The following VPS13A variants were observed in gnomAD, a reference collection of about 807,000 sequenced individuals.
VPS13A encodes intermembrane lipid transfer protein VPS13A.
In VPS13A, 264 loss-of-function variants were observed where a neutral mutation model predicts 390.9. The ratio of observed to expected loss-of-function variants is 0.68; its 90% CI spans 0.61 to 0.75. VPS13A has a LOEUF of 0.75. Among genes scored for constraint, VPS13A ranks in the 30% least tolerant of loss-of-function variants. VPS13A has a pLI of 0.00. For missense variants in VPS13A, 3,409 were observed against 3,733.9 expected (o/e 0.91, Z 2.27); for synonymous variants, 1,231 against 1,227.1 (o/e 1.00, Z -0.07).
chr9:77,295,544 T>A lies in VPS13A; in HGVS notation c.3510T>A (p.Ala1170=). The part of the protein sequence containing the change: ...FVTKFLYSIL[A]FIDNFQAAKQ... ...AATATAATTCTGTTATCTTACAGGC[T>A]TTTATAGATAATTTTCAGGCAGCTA... The change falls in exon 33 of 72, where the codon GCT becomes GCA. Residue 1170 remains alanine, a splice_region_variant and synonymous_variant. Coordinates refer to ENST00000360280, the MANE Select transcript of VPS13A (RefSeq NM_033305.3). 6.2e-7 allele frequency: 1 copy of A among 1,606,066 alleles called. No individual in the cohort carries two copies. The highest frequency in any genetic ancestry group is 8.5e-7 in the Non-Finnish European group (1 of 1,174,690).
intron 44 of VPS13A, 21 bp from the exon 45 acceptor site, chr9:77,323,046 A>C: frequency 6.3e-7 from 1 of 1,578,616 alleles, no homozygotes; most frequent in Non-Finnish European, 8.7e-7. Context: ...AAAAACTTTT[A>C]AACATACTTA....
chr9:77,247,735 A>G (rs895932114), intron 20 of VPS13A, among the ~76,000 whole-genome samples: 5 of 152,210 alleles, frequency 3.3e-5, no homozygotes, highest in Admixed American at 2.6e-4. Context: ...ACCTTGGCTC[A>G]CTGCAACCTC....
rs368221022 is a variant in VPS13A, at chr9:77,305,161, A to T, written c.3960+2099A>T. ...CACCGTGTTAGCCAGGATGGTCTTG[A>T]TCTCCTGACCTCGTGATCCACCCCC... On this transcript the variant is annotated intron_variant, in intron 34 of 71. Transcript: ENST00000360280. Among the ~76,000 whole-genome samples, 18 of 152,042 alleles carry T rather than the reference A, an allele frequency of 1.2e-4. No individual in the cohort carries two copies. In the East Asian group the frequency reaches 2.5e-3, roughly 21 times the overall value.
At chr9:77,346,677 C>A (rs1013485601) in intron 52 of VPS13A, among the ~76,000 whole-genome samples, 2 of 152,266 alleles carry the variant, frequency 1.3e-5, no homozygotes, top group African/African-American at 2.4e-5. Flanking sequence ...AGTCTTTGAT[C>A]GATCTTGAGT....
chr9:77,378,438 T>C (rs1288866413), intron 67 of VPS13A, among the ~76,000 whole-genome samples: 2 of 152,158 alleles, frequency 1.3e-5, no homozygotes, highest in Non-Finnish European at 2.9e-5. Context: ...TATTTATTGA[T>C]CATAGTAAAT....
In VPS13A at chr9:77,260,221, C is replaced by T. The variant is rs1438229107; in HGVS notation, c.2424C>T (p.Phe808=). ...VTEVSAPVKS[F]QIQTSTSLGT... The stretch of plus-strand genomic sequence containing the variant: ...AAGTATCTGCCCCTGTCAAATCATT[C>T]CAGGTAATGTTACTTTCAAAATTAA... The change falls in exon 23 of 72, where the codon TTC becomes TTT. Residue 808 remains phenylalanine (F), a synonymous_variant. Coordinates refer to ENST00000360280, the MANE Select transcript of VPS13A (RefSeq NM_033305.3). 6.2e-7 allele frequency: 1 copy of T among 1,612,702 alleles called. No homozygotes were observed. Among genetic ancestry groups the T allele is most frequent in the Admixed American group, 1.7e-5 (1 of 59,982 alleles).
intron 5 of VPS13A, among the ~76,000 whole-genome samples, chr9:77,208,235 A>G (rs1036636210): frequency 6.6e-6 from 1 of 152,158 alleles, no homozygotes; most frequent in Non-Finnish European, 1.5e-5. Context: ...TTAATTCTAT[A>G]ATCTATTTAT....
At chr9:77,261,016 G>A (rs1459628971) in intron 23 of VPS13A, among the ~76,000 whole-genome samples, 2 of 151,686 alleles carry the variant, frequency 1.3e-5, no homozygotes, top group South Asian at 2.1e-4. Flanking sequence ...CTCTGCCTCA[G>A]CCTCCTGAGT....
chr9:77,410,369 A>AGGAAGAAACTGCATCAACTAAC (rs1210241241), intron 71 of VPS13A, among the ~76,000 whole-genome samples: 3 of 152,220 alleles, frequency 2.0e-5, no homozygotes, highest in Non-Finnish European at 4.4e-5. Flanking sequence ...CATCAAGGCT[A>AGGAAGAAACTGCATCAACTAAC]GGAAGAAACT....
chr9:77,247,780 C>T (rs1396547958), intron 20 of VPS13A, among the ~76,000 whole-genome samples: 4 of 152,264 alleles, frequency 2.6e-5, no homozygotes, highest in African/African-American at 9.6e-5. Context: ...CAGGCCTCAG[C>T]CTCCTGAGTA....
chr9:77,210,195 C>CTT (rs1173076827), intron 6 of VPS13A, among the ~76,000 whole-genome samples: 9 of 126,342 alleles, frequency 7.1e-5, no homozygotes, highest in Non-Finnish European at 1.3e-4. Context: ...TTCTCTTTCT[C>CTT]TCTTTCTTTC....
At chr9:77,337,790 T>A in intron 47 of VPS13A, 1 of 370,504 alleles carries the variant, frequency 2.7e-6, no homozygotes, top group East Asian at 4.7e-5. Flanking sequence ...CTTAAAAGAT[T>A]GTATACTTTG....
chr9:77,194,367 G>GGC (rs1824865032), intron 1 of VPS13A, among the ~76,000 whole-genome samples: 2 of 152,002 alleles, frequency 1.3e-5, no homozygotes, highest in African/African-American at 4.8e-5. Flanking sequence ...GGGTTGGGGG[G>GGC]GGCGCTCAAA....
intron 57 of VPS13A, 25 bp from the exon 58 acceptor site, chr9:77,359,308 G>A (rs1238283692): frequency 1.2e-6 from 2 of 1,602,700 alleles, no homozygotes; most frequent in Admixed American, 1.7e-5. Flanking sequence ...CATCATGGGA[G>A]TAATTATATT....
rs1425890506 is a variant in VPS13A, at chr9:77,368,097, C to T, written c.8514C>T (p.Ser2838=). 8 of 1,611,986 alleles carry T rather than the reference C, an allele frequency of 5.0e-6. No individual in the cohort carries two copies. The highest frequency in any genetic ancestry group is 2.2e-5 in the East Asian group (1 of 44,714). Residue 2838 remains serine (S), a synonymous_variant, in exon 62 of 72, where the codon TCC becomes TCT. Transcript: ENST00000360280. ...TCAACTATCAGTTCCATACAACATC[C>T]GATCTACAGTCTGAAGTCATAAGAC... ...FELNYQFHTT[S]DLQSEVIRHY...
intron 70 of VPS13A, among the ~76,000 whole-genome samples, chr9:77,406,318 TTAAATA>T: frequency 6.6e-6 from 1 of 152,370 alleles, no homozygotes; most frequent in East Asian, 1.9e-4. Context: ...TCCTGGCTTT[TTAAATA>T]TATTTTCCCT....
chr9:77,294,925 A>G (rs1289603709), intron 32 of VPS13A, among the ~76,000 whole-genome samples: 1 of 151,882 alleles, frequency 6.6e-6, no homozygotes, highest in African/African-American at 2.4e-5. Flanking sequence ...AAACTGGTCT[A>G]GAACTACTGG....
intron 31 of VPS13A, among the ~76,000 whole-genome samples, chr9:77,291,927 A>C (rs1827693392): frequency 1.3e-5 from 2 of 152,226 alleles, no homozygotes; most frequent in East Asian, 3.9e-4. Context: ...CAGCAGAGGG[A>C]GACCTCTAAT....
rs760705525 is a variant in VPS13A at position 77,221,371 on chromosome 9, T to G, written c.1161+15T>G. The G allele has an allele frequency of 6.2e-7, 1 of 1,611,454 alleles. No homozygotes were observed. The highest frequency in any genetic ancestry group is 8.5e-7 in the Non-Finnish European group (1 of 1,179,012). ...TGTCTTTGGAGGTTAGCATTTAAAA[T>G]GAAATTGTTGAGTGTTTTATACTAC... On this transcript the variant is annotated intron_variant, in intron 13 of 71. Transcript: ENST00000360280.
Sources: allele counts gnomAD v4.1 joint callset (sites outside exome capture counted in the v4.1 genomes callset), GRCh38; gene constraint gnomAD v4.1.1; transcripts MANE v1.5; gene names NCBI Gene and HGNC (gene_info 2026-07-23, HGNC 2026-07-21).